The following TENT4A variants were observed in gnomAD, a reference collection of about 807,000 sequenced individuals.
The protein encoded by TENT4A is terminal nucleotidyltransferase 4A, also known as DNA polymerase kappa.
Under a neutral mutation model 72.8 loss-of-function variants are expected in TENT4A, and 7 were observed. The observed-to-expected ratio is 0.10, with a 90% CI of 0.05 to 0.18. The LOEUF is 0.18. TENT4A is among the 10% of genes least tolerant of loss of function. The probability of loss-of-function intolerance (pLI) is 1.00; values close to 1 mark genes in which losing one functional copy is unlikely to be tolerated. For synonymous variants in TENT4A, 456 were observed against 434.3 expected (o/e 1.05, Z -0.62); for missense variants, 831 against 1,017.7 (o/e 0.82, Z 2.50).
chr5:6,750,844 A>G, intron 10 of TENT4A, 195 bp from the exon 11 acceptor site: 1 of 597,622 alleles, frequency 1.7e-6, no homozygotes, highest in East Asian at 2.7e-5. Flanking sequence ...TTCCTTTAAC[A>G]TTCTTTTTCA....
intron 6 of TENT4A, 47 bp downstream of exon 6, chr5:6,743,887 G>C: frequency 6.3e-7 from 1 of 1,591,662 alleles, no homozygotes; most frequent in Non-Finnish European, 8.6e-7. Context: ...ATGTGTAAGA[G>C]TAGACTCTTC....
At chr5:6,731,101 A>G (rs1741189362) in intron 1 of TENT4A, among the ~76,000 whole-genome samples, 1 of 152,232 alleles carries the variant, frequency 6.6e-6, no homozygotes, top group African/African-American at 2.4e-5. Flanking sequence ...ACAAAATTGC[A>G]GGGTTAACTC....
At chr5:6,750,079 A>G (rs953649215) in intron 9 of TENT4A, among the ~76,000 whole-genome samples, 3 of 152,256 alleles carry the variant, frequency 2.0e-5, no homozygotes, top group Admixed American at 1.3e-4. Flanking sequence ...AAAATACTTG[A>G]TCTATATTTA....
chr5:6,732,309 G>A (rs1741254029), intron 1 of TENT4A, among the ~76,000 whole-genome samples: 1 of 152,206 alleles, frequency 6.6e-6, no homozygotes, highest in Non-Finnish European at 1.5e-5. Flanking sequence ...AATCCCATTA[G>A]CTCAGCTTCT....
intron 6 of TENT4A, among the ~76,000 whole-genome samples, chr5:6,745,135 C>A (rs1742017918): frequency 6.6e-6 from 1 of 152,222 alleles, no homozygotes; most frequent in Non-Finnish European, 1.5e-5. Context: ...GAGGCCCACC[C>A]TGGCACCGGC....
chr5:6,718,196 G>A (rs564740494), intron 1 of TENT4A, among the ~76,000 whole-genome samples: 22 of 152,312 alleles, frequency 1.4e-4, no homozygotes, highest in African/African-American at 4.6e-4. Context: ...GACGACTGTC[G>A]GCATAGGACA....
intron 3 of TENT4A, 134 bp from the exon 4 acceptor site, chr5:6,739,598 C>A: frequency 1.0e-6 from 1 of 1,002,672 alleles, no homozygotes; most frequent in Non-Finnish European, 1.5e-6. Context: ...TCCTTAGGGG[C>A]CATAGGCTAG....
At chr5:6,729,782 T>C (rs954185803) in intron 1 of TENT4A, among the ~76,000 whole-genome samples, 5 of 152,178 alleles carry the variant, frequency 3.3e-5, no homozygotes, top group African/African-American at 4.8e-5. Context: ...TGTGTGTGTG[T>C]GCTGAGCTGG....
rs1475051153 is a variant in TENT4A at position 6,714,130 on chromosome 5, C to T, written c.147C>T (p.Asp49=). The T allele has an allele frequency of 4.0e-5, 39 of 979,144 alleles. 1 individual carries two copies. The highest frequency in any genetic ancestry group is 1.0e-3 in the Middle Eastern group (2 of 1,920). The allele number at this position is 979,144 out of a possible 1,614,324, so 60.7% of individuals were successfully genotyped here. Residue 49 remains aspartate (D), a synonymous_variant, in exon 1 of 13, where the codon GAC becomes GAT. Transcript: ENST00000230859. The part of the protein sequence containing the change: ...SYFCLNSPAL[D]TAAAAGAAGR... ...TCTGCCTCAACTCGCCGGCGCTGGA[C>T]ACGGCGGCCGCGGCGGGGGCGGCCG...
chr5:6,746,283 C>T lies in TENT4A; in HGVS notation c.1315C>T (p.Leu439Phe). ...LGMLLVEFFE[L>F]YGRNFNYLKT... Reference sequence around the variant, plus strand: ...AATGCTTCTTGTAGAATTTTTTGAACTCTATGGGAGAAATTTTAATTACTT... The same window carrying T: ...AATGCTTCTTGTAGAATTTTTTGAATTCTATGGGAGAAATTTTAATTACTT... Residue 439 changes from leucine (L) to phenylalanine (F), a missense_variant, in exon 7 of 13, where the codon CTC (leucine) becomes TTC (phenylalanine). Coordinates refer to ENST00000230859, the MANE Select transcript of TENT4A (RefSeq NM_006999.6). The T allele has an allele frequency of 6.2e-7, 1 of 1,614,194 alleles. No homozygotes were observed. Among genetic ancestry groups the T allele is most frequent in the Non-Finnish European group, 8.5e-7 (1 of 1,180,036 alleles).
chr5:6,730,259 T>C (rs550538261), intron 1 of TENT4A, among the ~76,000 whole-genome samples: 7 of 152,136 alleles, frequency 4.6e-5, no homozygotes, highest in Admixed American at 2.6e-4. Flanking sequence ...CATCACCTGC[T>C]CCAGGATCCT....
At chr5:6,750,675 C>T in intron 10 of TENT4A, 172 bp downstream of exon 10, 1 of 601,268 alleles carries the variant, frequency 1.7e-6, no homozygotes, top group South Asian at 2.4e-5. Flanking sequence ...GGCTTCCTTT[C>T]CCCTGCCGTG....
In TENT4A at chr5:6,754,950, T is replaced by A; in HGVS notation, c.*5T>A. 1 of 1,569,316 alleles carries A rather than the reference T, an allele frequency of 6.4e-7. No individual in the cohort carries two copies. On this transcript the variant is annotated 3_prime_UTR_variant, in exon 13 of 13. Coordinates refer to ENST00000230859, the MANE Select transcript of TENT4A (RefSeq NM_006999.6). The stretch of plus-strand genomic sequence containing the variant: ...CCCGTGAGCCTCAGCAGATAATGGC[T>A]CCTGGCTGCGTCAGCCTCCCCCACC...
chr5:6,736,518 T>C (rs1246048626), intron 1 of TENT4A, among the ~76,000 whole-genome samples: 1 of 152,220 alleles, frequency 6.6e-6, no homozygotes, highest in African/African-American at 2.4e-5. Context: ...GTGAGTTTGA[T>C]TTGTTATAAT....
chr5:6,751,410 G>C, intron 11 of TENT4A: 1 of 558,266 alleles, frequency 1.8e-6, no homozygotes, highest in Non-Finnish European at 3.1e-6. Context: ...TGTGGTTCTT[G>C]AGTGCTGCCG....
intron 11 of TENT4A, among the ~76,000 whole-genome samples, chr5:6,751,662 T>G (rs1433817364): frequency 1.3e-5 from 2 of 152,252 alleles, no homozygotes; most frequent in African/African-American, 4.8e-5. Context: ...CTTTTTCTGT[T>G]GGAATATACT....
chr5:6,736,541 A>G (rs1271182234), intron 1 of TENT4A, among the ~76,000 whole-genome samples: 1 of 152,226 alleles, frequency 6.6e-6, no homozygotes, highest in Non-Finnish European at 1.5e-5. Flanking sequence ...CTAGGATTGG[A>G]TAATTTGCCT....
rs768957603 is a variant in TENT4A at position 6,738,760 on chromosome 5, T to TG, written c.887+37dup. The stretch of plus-strand genomic sequence containing the variant: ...TACCAGACTGCATGGCATGGGCTAG[T>TG]GGGGGGCTGGGATGGTGTCTATGCA... On this transcript the variant is annotated intron_variant, in intron 3 of 12. Coordinates refer to ENST00000230859, the MANE Select transcript of TENT4A (RefSeq NM_006999.6). 6.5e-6 allele frequency: 10 copies of TG among 1,532,620 alleles called. No individual in the cohort carries two copies. The Admixed American group carries it at 1.0e-4, about 15-fold the overall frequency. 94.9% of individuals were successfully genotyped at this position (1,532,620 alleles called of 1,614,324 possible).
intron 1 of TENT4A, among the ~76,000 whole-genome samples, chr5:6,719,482 G>A (rs1740545498): frequency 6.6e-6 from 1 of 152,234 alleles, no homozygotes; most frequent in Admixed American, 6.5e-5. Flanking sequence ...ACTTGCAGAA[G>A]ATTGAAGAAG....
Sources: gnomAD v4.1 joint callset for allele counts (sites outside exome capture counted in the v4.1 genomes callset) on GRCh38, gnomAD v4.1.1 for gene constraint, MANE v1.5 for transcripts, NCBI Gene and HGNC (gene_info 2026-07-23, HGNC 2026-07-21) for gene names.